The following PTPN11 variants were observed in gnomAD, a reference collection of about 807,000 sequenced individuals.
PTPN11 encodes the protein tyrosine-protein phosphatase non-receptor type 11.
PTPN11 carries 6 observed loss-of-function variants against 78.8 expected under a neutral mutation model. The ratio of observed to expected loss-of-function variants is 0.08; its 90% CI spans 0.04 to 0.15. The LOEUF (loss-of-function observed/expected upper bound fraction) is 0.15, where lower values mean the gene tolerates loss of function less well. PTPN11 is among the 10% of genes least tolerant of loss of function. The pLI is 1.00. For synonymous variants in PTPN11, 221 were observed against 263.5 expected (o/e 0.84, Z 1.56); for missense variants, 386 against 744.8 (o/e 0.52, Z 5.61).
intron 10 of PTPN11, among the ~76,000 whole-genome samples, chr12:112,484,618 G>T (rs1160951328): frequency 6.6e-6 from 1 of 152,182 alleles, no homozygotes; most frequent in African/African-American, 2.4e-5. Context: ...GGGATGTTTG[G>T]ATTTCTGATG....
intron 1 of PTPN11, among the ~76,000 whole-genome samples, chr12:112,421,879 C>T (rs755167002): frequency 2.6e-5 from 4 of 152,298 alleles, no homozygotes; most frequent in African/African-American, 4.8e-5. Context: ...CTTCCTGCCT[C>T]GGCCTCCCAA....
At chr12:112,485,998 A>AT (rs2038668823) in intron 10 of PTPN11, among the ~76,000 whole-genome samples, 1 of 125,648 alleles carries the variant, frequency 8.0e-6, no homozygotes, top group South Asian at 2.3e-4. Flanking sequence ...AAAAAAAAAA[A>AT]GAATGATACT....
intron 1 of PTPN11, among the ~76,000 whole-genome samples, chr12:112,437,008 A>G (rs1250767198): frequency 2.0e-5 from 3 of 152,052 alleles, no homozygotes; most frequent in Non-Finnish European, 4.4e-5. Flanking sequence ...GTGATGTTAA[A>G]ATTATCCCAG....
chr12:112,453,097 T>C (rs2038100772), intron 3 of PTPN11, 98 bp from the exon 4 acceptor site: 1 of 1,030,574 alleles, frequency 9.7e-7, no homozygotes, highest in Non-Finnish European at 1.5e-6. Flanking sequence ...TACTTTTTAA[T>C]TGTGTTTAGG....
intron 6 of PTPN11, among the ~76,000 whole-genome samples, chr12:112,458,087 T>C (rs563636565): frequency 1.3e-5 from 2 of 152,360 alleles, no homozygotes; most frequent in African/African-American, 4.8e-5. Flanking sequence ...ATAAAGTCCT[T>C]TTAGCCAGAG....
At chr12:112,450,086 C>CAA (rs369558589) in intron 2 of PTPN11, among the ~76,000 whole-genome samples, 7 of 92,092 alleles carry the variant, frequency 7.6e-5, no homozygotes, top group African/African-American at 1.2e-4. Context: ...AACTCCATCT[C>CAA]AAAAAAAAAA....
At chr12:112,436,512 G>C (rs2037793380) in intron 1 of PTPN11, among the ~76,000 whole-genome samples, 1 of 152,156 alleles carries the variant, frequency 6.6e-6, no homozygotes, top group African/African-American at 2.4e-5. Flanking sequence ...CAATAACCAA[G>C]AGATGCTTCA....
intron 6 of PTPN11, among the ~76,000 whole-genome samples, chr12:112,465,878 T>C (rs1197512593): frequency 1.3e-5 from 2 of 152,182 alleles, no homozygotes; most frequent in Non-Finnish European, 2.9e-5. Context: ...AGAAATAGTT[T>C]TCAGTGATGA....
chr12:112,466,119 A>C (rs1055251935), intron 6 of PTPN11, among the ~76,000 whole-genome samples: 1 of 152,230 alleles, frequency 6.6e-6, no homozygotes, highest in African/African-American at 2.4e-5. Context: ...AAACAGTTCA[A>C]TATTCAATCT....
At chr12:112,433,198 A>G (rs2037739598) in intron 1 of PTPN11, among the ~76,000 whole-genome samples, 1 of 152,188 alleles carries the variant, frequency 6.6e-6, no homozygotes, top group South Asian at 2.1e-4. Context: ...ATTGTATTTA[A>G]ACTGTACCTT....
chr12:112,496,573 C>G (rs1008670638), intron 13 of PTPN11, among the ~76,000 whole-genome samples: 1 of 152,118 alleles, frequency 6.6e-6, no homozygotes, highest in Non-Finnish European at 1.5e-5. Flanking sequence ...AACATGAATT[C>G]ATACTGATGT....
At chr12:112,498,079 G>T (rs923692588) in intron 13 of PTPN11, among the ~76,000 whole-genome samples, 1 of 152,134 alleles carries the variant, frequency 6.6e-6, no homozygotes, top group African/African-American at 2.4e-5. Flanking sequence ...CTTGAACCCG[G>T]GAGGCAGAGA....
intron 13 of PTPN11, among the ~76,000 whole-genome samples, chr12:112,495,102 G>A (rs2038798398): frequency 6.6e-6 from 1 of 152,134 alleles, no homozygotes; most frequent in South Asian, 2.1e-4. Flanking sequence ...ATAACAGAGT[G>A]AGTTCCTTAT....
At chr12:112,487,776 C>G (rs566926468) in intron 11 of PTPN11, among the ~76,000 whole-genome samples, 1 of 152,124 alleles carries the variant, frequency 6.6e-6, no homozygotes, top group Non-Finnish European at 1.5e-5. Context: ...TCTTCTATTT[C>G]AATAACTTTA....
intron 10 of PTPN11, among the ~76,000 whole-genome samples, chr12:112,483,110 A>G (rs1484297749): frequency 3.9e-5 from 6 of 152,110 alleles, no homozygotes; most frequent in Non-Finnish European, 5.9e-5. Flanking sequence ...GCACATATAA[A>G]TATATCATTA....
At chr12:112,465,291 G>A (rs1335196702) in intron 6 of PTPN11, among the ~76,000 whole-genome samples, 1 of 152,026 alleles carries the variant, frequency 6.6e-6, no homozygotes, top group Non-Finnish European at 1.5e-5. Flanking sequence ...AAAATTAGCT[G>A]GGTGTGGTGG....
chr12:112,424,867 TTGTGTGTGTGTGTGTGTGTGTGTATG>T (rs1160898974), intron 1 of PTPN11, among the ~76,000 whole-genome samples: 2 of 135,082 alleles, frequency 1.5e-5, no homozygotes, highest in Admixed American at 1.6e-4. Flanking sequence ...GTCAGGCTAA[TTGTGTGTGTGTGTGTGTGTGTGTATG>T]TGTGTGTGTG....
chr12:112,503,512 C>A (rs2038901673), intron 14 of PTPN11, among the ~76,000 whole-genome samples: 1 of 152,196 alleles, frequency 6.6e-6, no homozygotes, highest in Non-Finnish European at 1.5e-5. Flanking sequence ...TGAAATTATA[C>A]AGCAGAGGTA....
chr12:112,423,313 T>C (rs564158737), intron 1 of PTPN11, among the ~76,000 whole-genome samples: 1 of 151,674 alleles, frequency 6.6e-6, no homozygotes, highest in South Asian at 2.1e-4. Flanking sequence ...TGAAATAGAG[T>C]CTTACTCAGT....
Sources: allele counts gnomAD v4.1 joint callset (sites outside exome capture counted in the v4.1 genomes callset), GRCh38; gene constraint gnomAD v4.1.1; transcripts MANE v1.5; gene names NCBI Gene and HGNC (gene_info 2026-07-23, HGNC 2026-07-21).